MTHFD1L: variants seen among roughly 807,000 people sequenced by gnomAD.
MTHFD1L encodes monofunctional C1-tetrahydrofolate synthase, mitochondrial.
MTHFD1L carries 81 observed loss-of-function variants against 119.5 expected under a neutral mutation model. That is an observed-to-expected ratio of 0.68 (90% CI 0.57 to 0.82). MTHFD1L has a LOEUF of 0.82. Among genes scored for constraint, MTHFD1L ranks in the 40% least tolerant of loss-of-function variants. MTHFD1L has a pLI of 0.00. For missense variants in MTHFD1L, 1,125 were observed against 1,253.4 expected (o/e 0.90, Z 1.55); for synonymous variants, 430 against 475.2 (o/e 0.90, Z 1.24).
chr6:150,915,256 AT>A (rs1027003449), intron 8 of MTHFD1L, among the ~76,000 whole-genome samples: 35 of 150,062 alleles, frequency 2.3e-4, no homozygotes, highest in South Asian at 4.2e-4. Flanking sequence ...TTTTTTTGCA[AT>A]TTTTTTTTTC....
intron 26 of MTHFD1L, among the ~76,000 whole-genome samples, chr6:151,051,256 G>A (rs1388553317): frequency 6.6e-6 from 1 of 152,326 alleles, no homozygotes. Flanking sequence ...TTGTATGATA[G>A]CACACCCACC....
At chr6:150,976,580 CTATCTT>C (rs1440712082) in intron 20 of MTHFD1L, among the ~76,000 whole-genome samples, 2 of 152,190 alleles carry the variant, frequency 1.3e-5, no homozygotes, top group African/African-American at 2.4e-5. Context: ...TTATAGTAGA[CTATCTT>C]TATGACCTCA....
intron 16 of MTHFD1L, among the ~76,000 whole-genome samples, chr6:150,955,304 A>G (rs886280931): frequency 1.4e-4 from 22 of 152,134 alleles, no homozygotes; most frequent in Non-Finnish European, 2.9e-5. Context: ...ATGTATCAAC[A>G]TGACCTTCTT....
intron 4 of MTHFD1L, among the ~76,000 whole-genome samples, chr6:150,879,658 C>G (rs1475815100): frequency 7.8e-6 from 1 of 128,238 alleles, no homozygotes; most frequent in Non-Finnish European, 1.6e-5. Context: ...GAGACGGAGT[C>G]TCACTCTGTC....
chr6:150,993,941 A>C (rs1449775711), intron 20 of MTHFD1L, among the ~76,000 whole-genome samples: 4 of 151,706 alleles, frequency 2.6e-5, no homozygotes, highest in Admixed American at 6.6e-5. Flanking sequence ...AACACTGCGC[A>C]GTGTTGAAGC....
At chr6:150,895,184 C>G (rs530157248) in intron 7 of MTHFD1L, among the ~76,000 whole-genome samples, 3 of 152,338 alleles carry the variant, frequency 2.0e-5, no homozygotes, top group South Asian at 2.1e-4. Context: ...GTTTCACTCT[C>G]AGGAATGAGC....
chr6:150,911,726 C>T (rs1786918117), intron 8 of MTHFD1L, among the ~76,000 whole-genome samples: 1 of 152,138 alleles, frequency 6.6e-6, no homozygotes, highest in South Asian at 2.1e-4. Context: ...TTTAATTGGA[C>T]TTACAGTTCC....
In MTHFD1L at chr6:150,887,943, A is replaced by G. The variant is rs761230641; in HGVS notation, c.742A>G (p.Met248Val). The G allele has an allele frequency of 1.3e-5, 21 of 1,608,330 alleles. No homozygotes were observed. Among genetic ancestry groups the G allele is most frequent in the Non-Finnish European group, 1.6e-5 (19 of 1,177,808 alleles). Residue 248 changes from methionine (M) to valine (V), a missense_variant, in exon 7 of 28, where the codon ATG (methionine) becomes GTG (valine). Coordinates refer to ENST00000367321, the MANE Select transcript of MTHFD1L (RefSeq NM_015440.5). ...CLFQRKGSMT[M>V]SIQWKTRQLQ... ...GTTCCAGAGAAAAGGGTCCATGACA[A>G]TGAGCATCCAGTGGAAAACACGCCA... is the stretch of plus-strand genomic sequence containing the variant.
chr6:151,099,631 TG>T, intron 27 of MTHFD1L: 1 of 1,607,276 alleles, frequency 6.2e-7, no homozygotes. Context: ...GCGTAACTGG[TG>T]GAAACCCAGA....
At chr6:151,048,699 C>A (rs192693223) in intron 26 of MTHFD1L, among the ~76,000 whole-genome samples, 1 of 152,284 alleles carries the variant, frequency 6.6e-6, no homozygotes. Flanking sequence ...CTTGTCGAAC[C>A]AGTTACTGAC....
At chr6:150,986,414 T>G (rs1778306554) in intron 20 of MTHFD1L, among the ~76,000 whole-genome samples, 1 of 152,250 alleles carries the variant, frequency 6.6e-6, no homozygotes, top group South Asian at 2.1e-4. Context: ...ATGTATGTGC[T>G]GTGTTCTAAA....
At chr6:151,053,126 T>C (rs1298073992) in intron 26 of MTHFD1L, among the ~76,000 whole-genome samples, 2 of 152,250 alleles carry the variant, frequency 1.3e-5, no homozygotes, top group South Asian at 2.1e-4. Flanking sequence ...CTGTTTGAGA[T>C]ACCATGCAGT....
rs201506706 is a variant in MTHFD1L, at chr6:150,960,243, G to A, written c.1804-32G>A. The A allele has an allele frequency of 4.1e-5, 65 of 1,586,010 alleles. No individual in the cohort carries two copies. In the South Asian group the frequency reaches 4.6e-4, roughly 11 times the overall value. ...GAATGGCCATCCCACTGGCACTGTC[G>A]CTGACCACTACCTGTGTTTGGGCTG... On this transcript the variant is annotated intron_variant, in intron 17 of 27. Coordinates refer to ENST00000367321, the MANE Select transcript of MTHFD1L (RefSeq NM_015440.5).
chr6:150,956,821 T>G (rs1795712253), intron 17 of MTHFD1L, among the ~76,000 whole-genome samples: 1 of 152,168 alleles, frequency 6.6e-6, no homozygotes, highest in Admixed American at 6.5e-5. Context: ...CTTGTGACCT[T>G]TTGAAGTGTC....
At chr6:150,966,481 T>G (rs955589827) in intron 19 of MTHFD1L, among the ~76,000 whole-genome samples, 1 of 152,090 alleles carries the variant, frequency 6.6e-6, no homozygotes, top group Non-Finnish European at 1.5e-5. Context: ...CGACATGAGA[T>G]GTGGGTGGGG....
At chr6:150,881,081 T>G (rs538185825) in intron 4 of MTHFD1L, among the ~76,000 whole-genome samples, 14 of 152,336 alleles carry the variant, frequency 9.2e-5, no homozygotes, top group African/African-American at 3.4e-4. Flanking sequence ...TGAAGAATGT[T>G]TTTAGTTTGA....
rs1159325869 is a variant in MTHFD1L, at chr6:150,926,929, A to T, written c.1256+634A>T. On this transcript the variant is annotated intron_variant, in intron 11 of 27. Coordinates refer to ENST00000367321, the MANE Select transcript of MTHFD1L (RefSeq NM_015440.5). The surrounding 1 kb of genome is among the most constrained non-coding windows in gnomAD (Gnocchi z 4.3). ...CTGAAAAGATGATAGAAAGCAAGGG[A>T]TTTCAAATATTTATTCAGTGTGACC... Among the ~76,000 whole-genome samples the T allele has an allele frequency of 6.6e-6, 1 of 152,164 alleles. No individual in the cohort carries two copies. The highest frequency in any genetic ancestry group is 2.4e-5 in the African/African-American group (1 of 41,448).
Position 150,964,953 on chromosome 6 carries a change from T to C in MTHFD1L, c.1945-16T>C, listed in dbSNP as rs1796979515. 2 of 1,612,522 alleles carry C rather than the reference T, an allele frequency of 1.2e-6. No homozygotes were observed. The highest frequency in any genetic ancestry group is 2.2e-5 in the South Asian group (2 of 91,036). On this transcript the variant is annotated splice_polypyrimidine_tract_variant and intron_variant, in intron 18 of 27. Transcript: ENST00000367321. ...GATATTTTGTCAGGAATCTAATGTT[T>C]TTCTCTCTCCTGTAGGGGGTGACAG...
At chr6:151,099,918 C>G in intron 27 of MTHFD1L, 1 of 1,272,280 alleles carries the variant, frequency 7.9e-7, no homozygotes. Context: ...GGCTGTGCAG[C>G]GAAGAAAATG....
Sources: allele counts gnomAD v4.1 joint callset (sites outside exome capture counted in the v4.1 genomes callset), GRCh38; gene constraint gnomAD v4.1.1; non-coding constraint Gnocchi (gnomAD v3.1); transcripts MANE v1.5; gene names NCBI Gene and HGNC (gene_info 2026-07-23, HGNC 2026-07-21).